Variants in MSH4 observed in about 807,000 individuals in gnomAD.
The protein encoded by MSH4 is mutS homolog 4.
In MSH4, 106 loss-of-function variants were observed where a neutral mutation model predicts 113.7. That is an observed-to-expected ratio of 0.93 (90% CI 0.80 to 1.10). The LOEUF (loss-of-function observed/expected upper bound fraction) is 1.10, where lower values mean the gene tolerates loss of function less well. Among genes scored for constraint, MSH4 ranks in the 50% least tolerant of loss-of-function variants. MSH4 has a pLI of 0.00. For missense variants in MSH4, 1,061 were observed against 1,093.7 expected, an observed-to-expected ratio of 0.97 and a Z score of 0.42; for synonymous variants, 368 against 380.2, an observed-to-expected ratio of 0.97 and a Z score of 0.37.
intron 9 of MSH4, among the ~76,000 whole-genome samples, chr1:75,874,456 G>T (rs185958192): frequency 2.6e-5 from 4 of 152,066 alleles, no homozygotes; most frequent in Non-Finnish European, 4.4e-5. Context: ...CTGAGTAGCT[G>T]GGAGTACAGG....
intron 7 of MSH4, among the ~76,000 whole-genome samples, chr1:75,839,820 A>G (rs1450282622): frequency 6.8e-6 from 1 of 147,816 alleles, no homozygotes; most frequent in Admixed American, 6.8e-5. Context: ...ACAAATTTAC[A>G]AGAAAAAAAC....
chr1:75,862,919 A>T (rs376198008), intron 8 of MSH4, among the ~76,000 whole-genome samples: 39 of 152,286 alleles, frequency 2.6e-4, no homozygotes, highest in South Asian at 4.1e-4. Flanking sequence ...AATAAAGCTT[A>T]AATTTCTTAT....
At chr1:75,840,523 G>A (rs1259635656) in intron 7 of MSH4, among the ~76,000 whole-genome samples, 1 of 109,744 alleles carries the variant, frequency 9.1e-6, no homozygotes, top group African/African-American at 3.7e-5. Context: ...TTGTTGTGGG[G>A]TGGGGGAGGG....
intron 6 of MSH4, among the ~76,000 whole-genome samples, chr1:75,820,300 C>T (rs1219693305): frequency 6.6e-6 from 1 of 152,164 alleles, no homozygotes; most frequent in Non-Finnish European, 1.5e-5. Context: ...TGACCAATAG[C>T]ATATATGGGA....
intron 1 of MSH4, among the ~76,000 whole-genome samples, chr1:75,797,761 C>T (rs1169747620): frequency 6.6e-6 from 1 of 152,126 alleles, no homozygotes; most frequent in Non-Finnish European, 1.5e-5. Context: ...GTGAACCTCC[C>T]ACCCCCATCC....
intron 7 of MSH4, among the ~76,000 whole-genome samples, chr1:75,835,492 C>A (rs1650808391): frequency 6.6e-6 from 1 of 152,164 alleles, no homozygotes; most frequent in Admixed American, 6.6e-5. Context: ...ACCATTGATA[C>A]CTTTTTAAAC....
At chr1:75,824,804 C>G (rs142565872) in intron 7 of MSH4, among the ~76,000 whole-genome samples, 1 of 151,730 alleles carries the variant, frequency 6.6e-6, no homozygotes, top group South Asian at 2.1e-4. Flanking sequence ...CTGTTCTGTT[C>G]CATTGGTCTA....
intron 14 of MSH4, 39 bp from the exon 15 acceptor site, chr1:75,883,582 A>T: frequency 6.6e-7 from 1 of 1,510,058 alleles, no homozygotes; most frequent in Non-Finnish European, 9.1e-7. Flanking sequence ...AGACACAAAT[A>T]TATTAATCTT....
In MSH4 at chr1:75,826,290, TC is replaced by T. The variant is rs1195931206; in HGVS notation, c.1162+3710del. Among the ~76,000 whole-genome samples the T allele has an allele frequency of 9.5e-4, 136 of 143,046 alleles. 1 individual carries two copies. The highest frequency in any genetic ancestry group is 2.1e-4 in the Non-Finnish European group (14 of 66,340). 93.8% of individuals were successfully genotyped at this position (143,046 alleles called of 152,430 possible). On this transcript the variant is annotated intron_variant, in intron 7 of 19. Transcript: ENST00000263187. ...GTATTCTCTGATGTTAGTTTGTATT[TC>T]TGTGGGATCAGTGGTGATATCCCCT...
intron 1 of MSH4, among the ~76,000 whole-genome samples, chr1:75,798,400 G>C (rs768411027): frequency 3.3e-5 from 5 of 152,084 alleles, no homozygotes; most frequent in Non-Finnish European, 5.9e-5. Context: ...TGTCATTAAA[G>C]CTTTTTTTCC....
chr1:75,831,598 G>A (rs1458199099), intron 7 of MSH4, among the ~76,000 whole-genome samples: 2 of 152,180 alleles, frequency 1.3e-5, no homozygotes, highest in African/African-American at 4.8e-5. Flanking sequence ...TCAGACCACA[G>A]TGCAATCAAA....
chr1:75,798,598 C>G (rs1649869608), intron 1 of MSH4, among the ~76,000 whole-genome samples: 1 of 144,246 alleles, frequency 6.9e-6, no homozygotes, highest in Non-Finnish European at 1.5e-5. Context: ...GCTCTGTTGC[C>G]CAGGCTGGAG....
chr1:75,905,916 C>T (rs958075158), intron 19 of MSH4, among the ~76,000 whole-genome samples: 3 of 152,032 alleles, frequency 2.0e-5, no homozygotes, highest in African/African-American at 7.2e-5. Flanking sequence ...TCTTCCATCC[C>T]TTTACTTTTA....
At chr1:75,858,741 T>C (rs569080249) in intron 8 of MSH4, among the ~76,000 whole-genome samples, 1 of 152,290 alleles carries the variant, frequency 6.6e-6, no homozygotes, top group South Asian at 2.1e-4. Flanking sequence ...TTTTCTTGTG[T>C]CTCTGCCAGG....
chr1:75,844,200 A>T (rs1651028295), intron 7 of MSH4, among the ~76,000 whole-genome samples: 1 of 152,222 alleles, frequency 6.6e-6, no homozygotes, highest in Non-Finnish European at 1.5e-5. Context: ...ATATATTACT[A>T]TGATAATAAC....
chr1:75,888,582 AG>A, intron 15 of MSH4, among the ~76,000 whole-genome samples: 1 of 149,162 alleles, frequency 6.7e-6, no homozygotes, highest in South Asian at 2.1e-4. Flanking sequence ...TCAGCTTTAT[AG>A]GCATTTTCTT....
chr1:75,866,685 A>G (rs1411416854), intron 8 of MSH4, among the ~76,000 whole-genome samples: 1 of 152,068 alleles, frequency 6.6e-6, no homozygotes, highest in East Asian at 1.9e-4. Flanking sequence ...ACGGTACCTC[A>G]AAAAGAAACA....
intron 7 of MSH4, among the ~76,000 whole-genome samples, chr1:75,826,651 G>A (rs1042084086): frequency 1.5e-4 from 23 of 152,214 alleles, no homozygotes; most frequent in African/African-American, 5.5e-4. Context: ...AGAGATTCTG[G>A]TACATTGTCT....
At position 75,876,995 on chromosome 1, in the gene MSH4, C is replaced by A; in HGVS notation, c.1365C>A (p.Asp455Glu). The A allele has an allele frequency of 6.4e-7, 1 of 1,552,634 alleles. No homozygotes were observed. The highest frequency in any genetic ancestry group is 8.7e-7 in the Non-Finnish European group (1 of 1,148,698). The change falls in exon 10 of 20, where the codon GAC becomes GAA. Residue 455 changes from aspartate to glutamate, a missense_variant. Asp to Glu is a conservative substitution (Grantham distance 45). Transcript: ENST00000263187. ...LLRAYYGSLE[D>E]KRFGIILEKI... The stretch of plus-strand genomic sequence containing the variant: ...GAGCTTACTATGGTTCCTTGGAAGA[C>A]AAGAGGTCTTTGTCACTCAACCGTT...
Sources: gnomAD v4.1 joint callset for allele counts (sites outside exome capture counted in the v4.1 genomes callset) on GRCh38, gnomAD v4.1.1 for gene constraint, MANE v1.5 for transcripts, NCBI Gene and HGNC (gene_info 2026-07-23, HGNC 2026-07-21) for gene names.